Variants in IVD observed in about 807,000 individuals in gnomAD.
The protein encoded by IVD is isovaleryl-CoA dehydrogenase, also known as isovaleryl-CoA dehydrogenase, mitochondrial.
IVD carries 31 observed loss-of-function variants against 51.3 expected under a neutral mutation model. The ratio of observed to expected loss-of-function variants is 0.60; its 90% CI spans 0.45 to 0.81. IVD has a LOEUF of 0.81. Among genes scored for constraint, IVD ranks in the 40% least tolerant of loss-of-function variants. The pLI is 0.00. For synonymous variants in IVD, 205 were observed against 219.4 expected, an observed-to-expected ratio of 0.93 and a Z score of 0.58; for missense variants, 475 against 552.0, an observed-to-expected ratio of 0.86 and a Z score of 1.40.
chr15:40,413,987 A>G (rs1420206712), intron 7 of IVD, among the ~76,000 whole-genome samples: 1 of 151,988 alleles, frequency 6.6e-6, no homozygotes, highest in East Asian at 1.9e-4. Flanking sequence ...CAGCCTTCTG[A>G]GTAGCTGGGA....
chr15:40,426,398 T>C (rs1382166713), downstream of IVD, among the ~76,000 whole-genome samples: 1 of 150,872 alleles, frequency 6.6e-6, no homozygotes, highest in African/African-American at 2.4e-5. Flanking sequence ...ATTAGCCGGG[T>C]GTGGTGGTGG....
At chr15:40,431,141 T>G (rs1474566959) in intron 7 of IVD, among the ~76,000 whole-genome samples, 5 of 151,232 alleles carry the variant, frequency 3.3e-5, no homozygotes, top group East Asian at 1.9e-4. Context: ...TTTTTTTTTT[T>G]GTCTTTTTTT....
intron 10 of IVD, 34 bp from the exon 11 acceptor site, chr15:40,416,256 G>T (rs113309937): frequency 3.7e-6 from 6 of 1,613,552 alleles, no homozygotes; most frequent in East Asian, 4.5e-5. Flanking sequence ...TGCGTGCCTC[G>T]CAGGGCCCTG....
At chr15:40,429,593 C>A (rs142553625) in intron 7 of IVD, among the ~76,000 whole-genome samples, 1 of 152,306 alleles carries the variant, frequency 6.6e-6, no homozygotes, top group Non-Finnish European at 1.5e-5. Context: ...TAAATACTTG[C>A]ATAATGAATG....
intron 7 of IVD, among the ~76,000 whole-genome samples, chr15:40,433,142 T>G (rs1893075228): frequency 6.6e-6 from 1 of 152,216 alleles, no homozygotes; most frequent in African/African-American, 2.4e-5. Flanking sequence ...GAAGAAAGCT[T>G]TTAGACATAT....
intron 8 of IVD, 75 bp downstream of exon 8, chr15:40,415,057 G>A (rs1891506115): frequency 1.3e-6 from 2 of 1,564,738 alleles, no homozygotes; most frequent in African/African-American, 2.7e-5. Context: ...AGCAGCAGCA[G>A]CCTTCCCCTT....
rs377129112 is a variant in IVD at position 40,410,638 on chromosome 15, C to A, written c.297C>A (p.Gly99=). ...VLGITAPVQY[G]GSGLGYLEHV... ...CCACACCACTCACAGTTCAGTATGG[C>A]GGCTCCGGCCTGGGCTACCTGGAGC... Residue 99 remains glycine (G), a synonymous_variant, in exon 4 of 12, where the codon GGC becomes GGA. Transcript: ENST00000487418. 6.2e-7 allele frequency: 1 copy of A among 1,614,194 alleles called. No homozygotes were observed. The highest frequency in any genetic ancestry group is 1.3e-5 in the African/African-American group (1 of 75,058).
chr15:40,432,701 C>T (rs1183759501), intron 7 of IVD, among the ~76,000 whole-genome samples: 6 of 152,278 alleles, frequency 3.9e-5, no homozygotes, highest in Admixed American at 3.9e-4. Context: ...CACAGAGAAT[C>T]TTTCCCGAAG....
At chr15:40,415,630 T>G in intron 9 of IVD, 148 bp downstream of exon 9, 1 of 743,468 alleles carries the variant, frequency 1.3e-6, no homozygotes. Flanking sequence ...TTCCTCAGCA[T>G]GCAGCCTGAC....
chr15:40,415,124 C>T lies in IVD; in HGVS notation c.878+142C>T, dbSNP rs1367824074. ...GCTCTCTCCTGGGAGATGAAAGGAA[C>T]CTCCTCTTCCCATGTTGAATTTCTT... On this transcript the variant is annotated intron_variant, in intron 8 of 11. Transcript: ENST00000487418. 4 of 913,280 alleles carry T rather than the reference C, an allele frequency of 4.4e-6. No individual in the cohort carries two copies. The African/African-American group carries it at 5.0e-5, about 11-fold the overall frequency. The allele number at this position is 913,280 out of a possible 1,614,324, so 56.6% of individuals were successfully genotyped here.
At chr15:40,426,627 A>G (rs1234906337), downstream of IVD, among the ~76,000 whole-genome samples, 2 of 152,196 alleles carry the variant, frequency 1.3e-5, no homozygotes, top group South Asian at 2.1e-4. Context: ...TCCCAGGAAT[A>G]TAATTTATCT....
chr15:40,415,470 C>T lies in IVD; in HGVS notation c.948C>T (p.Ile316=), dbSNP rs754100750. 4.3e-6 allele frequency: 7 copies of T among 1,613,858 alleles called. No individual in the cohort carries two copies. The Admixed American group carries it at 5.0e-5, about 12-fold the overall frequency. The change falls in exon 9 of 12, where the codon ATC becomes ATT. Residue 316 remains isoleucine (I), a synonymous_variant. Coordinates refer to ENST00000487418, the MANE Select transcript of IVD (RefSeq NM_002225.5). ...LHVREAFGQK[I]GHFQLMQGKM... ...TGAGGGAAGCCTTTGGCCAGAAGAT[C>T]GGCCACTTCCAGGTGAGCCGAGTGC...
chr15:40,433,265 C>G (rs1893081759), intron 7 of IVD, among the ~76,000 whole-genome samples: 1 of 152,168 alleles, frequency 6.6e-6, no homozygotes, highest in African/African-American at 2.4e-5. Flanking sequence ...TTCTCCAGGT[C>G]TCAGTTTCCT....
chr15:40,411,197 C>T (rs900769804), intron 4 of IVD, 63 bp from the exon 5 acceptor site: 29 of 1,477,622 alleles, frequency 2.0e-5, no homozygotes, highest in African/African-American at 4.1e-5. Flanking sequence ...AGAGGCAGTA[C>T]CAGTGAGCTG....
chr15:40,421,410 C>A (rs896960269), downstream of IVD: 13 of 984,820 alleles, frequency 1.3e-5, no homozygotes, highest in Non-Finnish European at 1.4e-5. Flanking sequence ...TCTGCAGCAC[C>A]AGCTGCCAGC....
At chr15:40,424,480 C>A, downstream of IVD, 1 of 276,620 alleles carries the variant, frequency 3.6e-6, no homozygotes, top group Non-Finnish European at 7.0e-6. Flanking sequence ...AACCTTCCCT[C>A]ATTCCTCTGT....
In IVD at chr15:40,414,893, C is replaced by T; in HGVS notation, c.789C>T (p.Ala263=). 5.6e-6 allele frequency: 9 copies of T among 1,614,096 alleles called. No homozygotes were observed. Among genetic ancestry groups the T allele is most frequent in the Non-Finnish European group, 6.8e-6 (8 of 1,180,000 alleles). The part of the protein sequence containing the change: ...LIFEDCKIPA[A]NILGHENKGV... ...GACCAGCACTTATCCTGGCAGCTGC[C>T]AACATCCTGGGCCATGAGAATAAGG... is the stretch of plus-strand genomic sequence containing the variant. The change falls in exon 8 of 12, where the codon GCC becomes GCT. Residue 263 remains alanine, a synonymous_variant. Transcript: ENST00000487418.
chr15:40,413,708 G>A (rs1891340120), intron 7 of IVD, among the ~76,000 whole-genome samples: 1 of 148,866 alleles, frequency 6.7e-6, no homozygotes, highest in Non-Finnish European at 1.5e-5. Context: ...TGTTTGTTTT[G>A]AGAAGGAGTC....
At chr15:40,435,184 A>G (rs1893197368) in intron 8 of IVD, among the ~76,000 whole-genome samples, 1 of 152,196 alleles carries the variant, frequency 6.6e-6, no homozygotes, top group East Asian at 1.9e-4. Flanking sequence ...GGGGTGGGGG[A>G]AAAAGCACCT....
Sources: gnomAD v4.1 joint callset for allele counts (sites outside exome capture counted in the v4.1 genomes callset) on GRCh38, gnomAD v4.1.1 for gene constraint, MANE v1.5 for transcripts, NCBI Gene and HGNC (gene_info 2026-07-23, HGNC 2026-07-21) for gene names.